GTF3C3: variants seen among roughly 807,000 people sequenced by gnomAD.
GTF3C3 encodes general transcription factor 3C polypeptide 3.
A neutral mutation model predicts 105.2 loss-of-function variants in GTF3C3; 75 were observed. The ratio of observed to expected loss-of-function variants is 0.71; its 90% confidence interval spans 0.59 to 0.86. GTF3C3 has a LOEUF of 0.86. Ranked by LOEUF, GTF3C3 falls within the 40% of genes least tolerant of loss-of-function variation. GTF3C3 has a pLI of 0.00. For synonymous variants in GTF3C3, 335 were observed against 370.4 expected (o/e 0.90, Z 1.10); for missense variants, 856 against 1,076.5 (o/e 0.80, Z 2.87).
At chr2:196,791,797 C>T (rs1401112374) in intron 3 of GTF3C3, 6 of 193,358 alleles carry the variant, frequency 3.1e-5, no homozygotes. Flanking sequence ...ATTAGCCAGG[C>T]ATGATGGTGC....
At chr2:196,797,647 G>A in intron 2 of GTF3C3, 150 bp downstream of exon 2, 1 of 555,946 alleles carries the variant, frequency 1.8e-6, no homozygotes, top group Non-Finnish European at 3.2e-6. Context: ...ATATTTATTG[G>A]GCACCTACTA....
At position 196,790,018 on chromosome 2, in the gene GTF3C3, T is replaced by A. The variant is rs1699519505; in HGVS notation, c.588A>T (p.Gln196His). The A allele has an allele frequency of 6.2e-7, 1 of 1,613,424 alleles. No individual in the cohort carries two copies. The highest frequency in any genetic ancestry group is 8.5e-7 in the Non-Finnish European group (1 of 1,179,734). ...ACTGCAATGATTTTTCCATGTCACC[T>A]TGGTCCTCATATATCATGGCTAGAG... ...FSTLAMIYED[Q>H]GDMEKSLQFE... The change falls in exon 5 of 18, where the codon CAA (glutamine) becomes CAT (histidine). Residue 196 changes from glutamine (Q) to histidine (H), a missense_variant. Gln to His is a conservative substitution (Grantham distance 24). Coordinates refer to ENST00000263956, the MANE Select transcript of GTF3C3 (RefSeq NM_012086.5).
Position 196,776,164 on chromosome 2 carries a change from T to C in GTF3C3, c.1594-53A>G. ...CCTAACAAGATTCCTTTTCTACAAA[T>C]TGTTTTATTTGCATAGAAACATTTT... On this transcript the variant is annotated intron_variant, in intron 11 of 17. Transcript: ENST00000263956. The surrounding 1 kb of genome is among the most constrained non-coding windows in gnomAD (Gnocchi z 4.5). The C allele has an allele frequency of 5.1e-6, 5 of 972,106 alleles. No individual in the cohort carries two copies. Among genetic ancestry groups the C allele is most frequent in the South Asian group, 3.1e-5 (2 of 64,186 alleles). The allele number at this position is 972,106 out of a possible 1,614,324, so 60.2% of individuals were successfully genotyped here.
chr2:196,797,917 G>A lies in GTF3C3; in HGVS notation c.103-9C>T. On this transcript the variant is annotated splice_polypyrimidine_tract_variant and intron_variant, in intron 1 of 17. Transcript: ENST00000263956. ...CCTTTTTCCTGAAGACTCTGTGATTGCAAATTAATTAATGATTCCAAAAAA... is the reference window on the plus strand; with the variant it reads ...CCTTTTTCCTGAAGACTCTGTGATTACAAATTAATTAATGATTCCAAAAAA... 2.1e-6 allele frequency: 3 copies of A among 1,431,554 alleles called. No individual in the cohort carries two copies. The highest frequency in any genetic ancestry group is 3.0e-6 in the Non-Finnish European group (3 of 1,013,292). 88.7% of individuals were successfully genotyped at this position (1,431,554 alleles called of 1,614,324 possible).
intron 9 of GTF3C3, chr2:196,780,353 AAG>A: frequency 8.4e-7 from 1 of 1,195,606 alleles, no homozygotes; most frequent in Middle Eastern, 3.1e-4. Context: ...GTTATTTTAA[AAG>A]AAAAATAAAT....
At position 196,771,932 on chromosome 2, in the gene GTF3C3, C is replaced by T; in HGVS notation, c.2076G>A (p.Met692Ile). The stretch of plus-strand genomic sequence containing the variant: ...GGGGTTTATTGACATTTTCCATTAC[C>T]ATTATCCTAAAATTGCAGGAAGAGG... ...FRKAYNYIRIMVMENVNKPQL... is the reference protein window; with the variant it reads ...FRKAYNYIRIIVMENVNKPQL... The change falls in exon 15 of 18, where the codon ATG becomes ATA. Residue 692 changes from methionine to isoleucine, a missense_variant. Coordinates refer to ENST00000263956, the MANE Select transcript of GTF3C3 (RefSeq NM_012086.5). 1 of 1,608,922 alleles carries T rather than the reference C, an allele frequency of 6.2e-7. No homozygotes were observed. The highest frequency in any genetic ancestry group is 8.5e-7 in the Non-Finnish European group (1 of 1,175,370).
chr2:196,773,082 A>T lies in GTF3C3; in HGVS notation c.1903T>A (p.Ser635Thr). 3.7e-6 allele frequency: 6 copies of T among 1,613,006 alleles called. No homozygotes were observed. Among genetic ancestry groups the T allele is most frequent in the Non-Finnish European group, 5.1e-6 (6 of 1,179,060 alleles). The change falls in exon 14 of 18, where the codon TCC (serine) becomes ACC (threonine). Residue 635 changes from serine to threonine, a missense_variant. By Grantham distance (58) the Ser-to-Thr change is moderately conservative. Coordinates refer to ENST00000263956, the MANE Select transcript of GTF3C3 (RefSeq NM_012086.5). ...WWNLLLKAIY[S>T]LCDLSRFQEA... ...TGAAATCGGGATAGGTCACATAAGGAGTATATGGCCTTCAACAGAAGATTC... is the reference window on the plus strand; with the variant it reads ...TGAAATCGGGATAGGTCACATAAGGTGTATATGGCCTTCAACAGAAGATTC...
In GTF3C3 at chr2:196,782,450, C is replaced by T. The variant is rs147979416; in HGVS notation, c.1115-1788G>A. 5.3e-5 allele frequency among the ~76,000 whole-genome samples: 8 copies of T among 152,286 alleles called. No homozygotes were observed. In the East Asian group the frequency reaches 9.6e-4, roughly 18 times the overall value. On this transcript the variant is annotated intron_variant, in intron 8 of 17. Transcript: ENST00000263956. ...ATAGTATATGAAATACTTTATATCT[C>T]GGCATAGGCCTTAAAAATATAGTGT...
In GTF3C3 at chr2:196,781,357, A is replaced by AATATATATATAT. The variant is rs1553578901; in HGVS notation, c.1115-707_1115-696dup. 8.5e-3 allele frequency among the ~76,000 whole-genome samples: 159 copies of AATATATATATAT among 18,748 alleles called. 5 individuals are homozygous for AATATATATATAT. The highest frequency in any genetic ancestry group is 0.015 in the Admixed American group (15 of 986). The allele number at this position is 18,748 out of a possible 152,430, so 12.3% of individuals were successfully genotyped here. ...ATGTTAAGGGGAAAAAAAAAAAAAA[A>AATATATATATAT]ATATATATATATATATATATATATA... is the stretch of plus-strand genomic sequence containing the variant. On this transcript the variant is annotated intron_variant, in intron 8 of 17. Coordinates refer to ENST00000263956, the MANE Select transcript of GTF3C3 (RefSeq NM_012086.5).
At chr2:196,774,909 C>T in intron 13 of GTF3C3, 2 of 375,718 alleles carry the variant, frequency 5.3e-6, no homozygotes, top group South Asian at 6.9e-5. Context: ...AGATGCTTTC[C>T]TTTTAATTTT....
At chr2:196,788,122 T>C (rs761014411) in intron 6 of GTF3C3, among the ~76,000 whole-genome samples, 31 of 152,250 alleles carry the variant, frequency 2.0e-4, no homozygotes, top group Admixed American at 7.2e-4. Context: ...TCAGTGCTCA[T>C]TGTATTCCAT....
intron 2 of GTF3C3, among the ~76,000 whole-genome samples, chr2:196,796,914 A>C (rs1448063804): frequency 3.9e-5 from 6 of 152,078 alleles, no homozygotes; most frequent in Non-Finnish European, 7.4e-5. Flanking sequence ...TGTAACCCCC[A>C]GTTTTCCCTC....
At chr2:196,782,976 C>CT (rs1699391819) in intron 8 of GTF3C3, among the ~76,000 whole-genome samples, 1 of 152,144 alleles carries the variant, frequency 6.6e-6, no homozygotes, top group African/African-American at 2.4e-5. Context: ...CCCATTAGGT[C>CT]TTTCACATTC....
chr2:196,768,831 A>T (rs892455314), intron 16 of GTF3C3, among the ~76,000 whole-genome samples: 5 of 152,190 alleles, frequency 3.3e-5, no homozygotes, highest in Non-Finnish European at 5.9e-5. Context: ...CAAAAACTAC[A>T]TATTTTACAT....
intron 16 of GTF3C3, among the ~76,000 whole-genome samples, chr2:196,768,280 A>G (rs1285610424): frequency 6.6e-6 from 1 of 152,156 alleles, no homozygotes; most frequent in Non-Finnish European, 1.5e-5. Context: ...CGGCCACCCA[A>G]AGTGCAGGGA....
chr2:196,799,447 C>G, intron 1 of GTF3C3, 63 bp downstream of exon 1: 2 of 1,232,950 alleles, frequency 1.6e-6, no homozygotes, highest in South Asian at 2.4e-5. Flanking sequence ...CGTCTGGGTC[C>G]CCCACACCTA....
chr2:196,781,596 A>G (rs547384614), intron 8 of GTF3C3, among the ~76,000 whole-genome samples: 2 of 151,614 alleles, frequency 1.3e-5, no homozygotes, highest in Non-Finnish European at 2.9e-5. Flanking sequence ...TGAGTATCCA[A>G]GGATTTTGGT....
Position 196,776,666 on chromosome 2 carries a change from A to G in GTF3C3, c.1391-37T>C, listed in dbSNP as rs747223057. On this transcript the variant is annotated intron_variant, in intron 10 of 17. Coordinates refer to ENST00000263956, the MANE Select transcript of GTF3C3 (RefSeq NM_012086.5). This position sits in a 1 kb window ranked among gnomAD's most constrained non-coding sequence, Gnocchi z 4.5. ...TTAAAATAAAGCAAAAGTATGAACTACAGATTTGTAAACTGGCCACAATTA... is the reference window on the plus strand; with the variant it reads ...TTAAAATAAAGCAAAAGTATGAACTGCAGATTTGTAAACTGGCCACAATTA... 5 of 1,445,316 alleles carry G rather than the reference A, an allele frequency of 3.5e-6. No individual in the cohort carries two copies. The highest frequency in any genetic ancestry group is 3.9e-6 in the Non-Finnish European group (4 of 1,034,412). 89.5% of individuals were successfully genotyped at this position (1,445,316 alleles called of 1,614,324 possible).
At chr2:196,769,622 G>A (rs566180479) in intron 16 of GTF3C3, among the ~76,000 whole-genome samples, 56 of 152,106 alleles carry the variant, frequency 3.7e-4, no homozygotes, top group African/African-American at 1.3e-3. Context: ...GATGGTTAGA[G>A]ACCTTGAGGA....
Sources: gnomAD v4.1 joint callset for allele counts (sites outside exome capture counted in the v4.1 genomes callset) on GRCh38, gnomAD v4.1.1 for gene constraint, Gnocchi (gnomAD v3.1) non-coding constraint, MANE v1.5 for transcripts, NCBI Gene and HGNC (gene_info 2026-07-23, HGNC 2026-07-21) for gene names.